APC: variants seen among roughly 807,000 people sequenced by gnomAD.
APC encodes adenomatous polyposis coli protein.
Under a neutral mutation model 247.0 loss-of-function variants are expected in APC, and 72 were observed. The observed-to-expected ratio is 0.29, with a 90% CI of 0.24 to 0.35. APC has a LOEUF of 0.35. APC is among the 10% of genes least tolerant of loss of function. The pLI, the probability that APC is intolerant of heterozygous loss-of-function variation, is 1.00. For missense variants in APC, 3,400 were observed against 3,360.7 expected (o/e 1.01, Z -0.29); for synonymous variants, 1,254 against 1,162.5 (o/e 1.08, Z -1.60).
Position 112,806,012 on chromosome 5 carries a change from C to G in APC, c.834+4629C>G, listed in dbSNP as rs78722337. On this transcript the variant is annotated intron_variant, in intron 8 of 15. Transcript: ENST00000257430. ...CACATCTTGCTCTCACACCTCCACA[C>G]TGGCCTTCTCTCAGTACCTCATATT... Among the ~76,000 whole-genome samples the G allele has an allele frequency of 4.1e-3, 619 of 152,312 alleles. 4 individuals are homozygous for G. The highest frequency in any genetic ancestry group is 0.014 in the African/African-American group (586 of 41,564).
rs754122018 is a variant in APC, at chr5:112,840,632, C to T, written c.5038C>T (p.Gln1680Ter). 6.2e-7 allele frequency: 1 copy of T among 1,613,754 alleles called. No individual in the cohort carries two copies. The highest frequency in any genetic ancestry group is 8.5e-7 in the Non-Finnish European group (1 of 1,179,838). ...TGGAGAAGGAGTTAGAGGAGGGGCA[C>T]AGTCAGGTGAATTTGAAAAACGAGA... ...AAGEGVRGGA[Q>*]SGEFEKRDTI... The change falls in exon 16 of 16, where the codon CAG (glutamine) becomes TAG (stop). Residue 1680 changes from glutamine to a stop codon, truncating the protein, a stop_gained. Transcript: ENST00000257430. LOFTEE classifies it high-confidence loss of function. This position sits in a 1 kb window ranked among gnomAD's most constrained non-coding sequence, Gnocchi z 4.1.
In APC at chr5:112,827,957, T is replaced by A; in HGVS notation, c.1577T>A (p.Met526Lys). ...KATLCSMKGC[M>K]RALVAQLKSE... ...ACGCTATGCTCTATGAAAGGCTGCA[T>A]GAGAGCACTTGTGGCCCAACTAAAA... Residue 526 changes from methionine (M) to lysine (K), a missense_variant, in exon 13 of 16, where the codon ATG becomes AAG. Physicochemically the swap from Met to Lys is moderately conservative, Grantham distance 95. Coordinates refer to ENST00000257430, the MANE Select transcript of APC (RefSeq NM_000038.6). 1 of 1,613,310 alleles carries A rather than the reference T, an allele frequency of 6.2e-7. No homozygotes were observed.
chr5:112,722,653 C>G (rs928295533), intron 1 of APC, among the ~76,000 whole-genome samples: 3 of 151,924 alleles, frequency 2.0e-5, no homozygotes, highest in Non-Finnish European at 2.9e-5. Flanking sequence ...GATTAATTTG[C>G]TGGAGCACCT....
rs189905709 is a variant in APC at position 112,834,492 on chromosome 5, G to A, written c.1744-459G>A. 3.8e-3 allele frequency among the ~76,000 whole-genome samples: 572 copies of A among 148,768 alleles called. 2 individuals are homozygous for A. Among genetic ancestry groups the A allele is most frequent in the Non-Finnish European group, 6.2e-3 (423 of 67,774 alleles). The stretch of plus-strand genomic sequence containing the variant: ...ACTCCTGACCTCAGATGATCCACCC[G>A]TCAGCCTCCCAAAGTGCTGGGATTA... On this transcript the variant is annotated intron_variant, in intron 14 of 15. Transcript: ENST00000257430.
In APC at chr5:112,842,803, G is replaced by A. The variant is rs769603145; in HGVS notation, c.7209G>A (p.Gln2403=). 55 of 1,613,436 alleles carry A rather than the reference G, an allele frequency of 3.4e-5. No homozygotes were observed. The highest frequency in any genetic ancestry group is 4.4e-5 in the South Asian group (4 of 91,062). The change falls in exon 16 of 16, where the codon CAG becomes CAA. Residue 2403 remains glutamine, a synonymous_variant. Coordinates refer to ENST00000257430, the MANE Select transcript of APC (RefSeq NM_000038.6). ...RSESASKGLN[Q]MNNGNGANKK... is the part of the protein sequence containing the mutation. ...AGTCTGCCTCCAAAGGACTAAATCA[G>A]ATGAATAATGGTAATGGAGCCAATA...
At chr5:112,792,572 A>G (rs1200767598) in intron 7 of APC, 43 bp downstream of exon 7, 3 of 1,364,450 alleles carry the variant, frequency 2.2e-6, no homozygotes, top group Non-Finnish European at 3.1e-6. Context: ...AAAAATAGGT[A>G]GTTATTCTGA....
intron 8 of APC, among the ~76,000 whole-genome samples, chr5:112,811,978 C>G (rs1296087335): frequency 6.6e-6 from 1 of 152,126 alleles, no homozygotes; most frequent in Non-Finnish European, 1.5e-5. Context: ...GCCTCAGATC[C>G]TCATTGGATG....
At chr5:112,734,020 C>T (rs1295122789), upstream of APC, among the ~76,000 whole-genome samples, 2 of 152,110 alleles carry the variant, frequency 1.3e-5, no homozygotes, top group Non-Finnish European at 2.9e-5. Context: ...AAGTCTTGCC[C>T]GTAGAAGACT....
Position 112,838,601 on chromosome 5 carries a change from G to A in APC, c.3007G>A (p.Asp1003Asn), listed in dbSNP as rs564314108. 3.2e-5 allele frequency: 52 copies of A among 1,614,044 alleles called. 1 individual carries two copies. In the South Asian group the frequency reaches 5.1e-4, roughly 16 times the overall value. ...TTGCAGTTATGGTCAATACCCAGCC[G>A]ACCTAGCCCATAAAATACATAGTGC... is the stretch of plus-strand genomic sequence containing the variant. Reference protein sequence around the residue: ...KFCSYGQYPADLAHKIHSANH... With the variant: ...KFCSYGQYPANLAHKIHSANH... The change falls in exon 16 of 16, where the codon GAC becomes AAC. Residue 1003 changes from aspartate (D) to asparagine (N), a missense_variant. By Grantham distance (23) the Asp-to-Asn change is conservative. Around this residue, in one of 9 missense-constraint regions of APC, gnomAD observed 715 missense variants for 656.6 expected, o/e 1.09. Coordinates refer to ENST00000257430, the MANE Select transcript of APC (RefSeq NM_000038.6).
chr5:112,830,088 G>A (rs961694019), intron 14 of APC: 1 of 151,752 alleles, frequency 6.6e-6, no homozygotes, highest in South Asian at 2.1e-4. Context: ...AAGGCAAAAG[G>A]TTTGTTTTTT....
intron 4 of APC, among the ~76,000 whole-genome samples, chr5:112,774,115 T>C (rs78800922): frequency 0.014 from 2,207 of 152,276 alleles, 33 homozygotes; most frequent in Non-Finnish European, 0.023. Context: ...TTGTTTATAA[T>C]AACAAAAGAT....
chr5:112,738,831 A>G (rs1044890826), intron 1 of APC, among the ~76,000 whole-genome samples: 1 of 152,232 alleles, frequency 6.6e-6, no homozygotes, highest in African/African-American at 2.4e-5. Flanking sequence ...AATGTATTGG[A>G]CACTTTGATT....
chr5:112,768,092 G>C (rs996963789), intron 4 of APC, among the ~76,000 whole-genome samples: 1 of 144,592 alleles, frequency 6.9e-6, no homozygotes, highest in African/African-American at 2.6e-5. Context: ...TGCCCAGGCT[G>C]GATTGCAATG....
intron 8 of APC, among the ~76,000 whole-genome samples, chr5:112,812,313 T>C (rs1468327428): frequency 6.6e-6 from 1 of 152,176 alleles, no homozygotes; most frequent in African/African-American, 2.4e-5. Context: ...GGGTAAAGAC[T>C]CATTTCCCTT....
At chr5:112,810,382 G>A in intron 8 of APC, 1 of 257,350 alleles carries the variant, frequency 3.9e-6, no homozygotes, top group Non-Finnish European at 7.8e-6. Context: ...CTATAAAGTA[G>A]AAGGTAAAGT....
intron 6 of APC, among the ~76,000 whole-genome samples, chr5:112,781,481 C>A (rs558477555): frequency 6.6e-6 from 1 of 152,106 alleles, no homozygotes; most frequent in Non-Finnish European, 1.5e-5. Context: ...TGTTTTAAAG[C>A]CCTGAAGAGG....
At chr5:112,829,025 T>C in intron 14 of APC, 53 bp downstream of exon 14, 1 of 1,233,964 alleles carries the variant, frequency 8.1e-7, no homozygotes, top group Non-Finnish European at 1.2e-6. Context: ...TTGGCTTTTT[T>C]TTGCTGCCTT....
chr5:112,828,149 C>G, intron 13 of APC, 143 bp downstream of exon 13: 1 of 741,378 alleles, frequency 1.3e-6, no homozygotes, highest in Non-Finnish European at 2.4e-6. Flanking sequence ...AATCCTCCCA[C>G]TTCAGCCTCT....
At chr5:112,772,092 A>G (rs1408818496) in intron 4 of APC, among the ~76,000 whole-genome samples, 2 of 152,200 alleles carry the variant, frequency 1.3e-5, no homozygotes, top group African/African-American at 2.4e-5. Flanking sequence ...TATTTAACAA[A>G]TATTTATTGA....
Sources: gnomAD v4.1 joint callset for allele counts (sites outside exome capture counted in the v4.1 genomes callset) on GRCh38, gnomAD v4.1.1 for gene constraint, gnomAD v4.1.1 regional missense constraint, Gnocchi (gnomAD v3.1) non-coding constraint, MANE v1.5 for transcripts, NCBI Gene and HGNC (gene_info 2026-07-23, HGNC 2026-07-21) for gene names.